BICDL1: variants seen among roughly 807,000 people sequenced by gnomAD.
BICDL1 encodes the protein BICD family-like cargo adapter 1.
In BICDL1, 20 loss-of-function variants were observed where a neutral mutation model predicts 76.8. That is an observed-to-expected ratio of 0.26 (90% CI 0.18 to 0.38). BICDL1 has a LOEUF of 0.38. BICDL1 is among the 10% of genes least tolerant of loss of function. BICDL1 has a pLI of 1.00. For missense variants in BICDL1, 700 were observed against 798.6 expected (o/e 0.88, Z 1.49); for synonymous variants, 383 against 337.1 (o/e 1.14, Z -1.49).
At chr12:120,048,075 C>T (rs1952782787) in intron 2 of BICDL1, among the ~76,000 whole-genome samples, 1 of 152,170 alleles carries the variant, frequency 6.6e-6, no homozygotes, top group Non-Finnish European at 1.5e-5. Flanking sequence ...TATTATATCA[C>T]TCTCCCCAGC....
At chr12:120,018,172 A>G (rs567742736) in intron 2 of BICDL1, among the ~76,000 whole-genome samples, 1 of 152,298 alleles carries the variant, frequency 6.6e-6, no homozygotes, top group South Asian at 2.1e-4. Flanking sequence ...CCACCCTCAG[A>G]GATTTGACTT....
intron 2 of BICDL1, among the ~76,000 whole-genome samples, chr12:120,060,821 A>G (rs1953088429): frequency 6.6e-6 from 1 of 152,162 alleles, no homozygotes; most frequent in African/African-American, 2.4e-5. Flanking sequence ...CTAGCCTACC[A>G]CTTCAACATT....
intron 2 of BICDL1, among the ~76,000 whole-genome samples, chr12:120,027,519 C>G (rs973872057): frequency 6.6e-6 from 1 of 152,040 alleles, no homozygotes; most frequent in Non-Finnish European, 1.5e-5. Context: ...GTGTTGTTAT[C>G]CCGGTTTTAC....
chr12:120,074,743 A>G (rs551730533), intron 7 of BICDL1, among the ~76,000 whole-genome samples, 157 bp downstream of exon 7: 1 of 152,342 alleles, frequency 6.6e-6, no homozygotes, highest in Non-Finnish European at 1.5e-5. Context: ...GGTAAACTGA[A>G]TGTCTTCAAG....
intron 2 of BICDL1, among the ~76,000 whole-genome samples, chr12:120,059,934 A>T (rs937355305): frequency 2.0e-5 from 3 of 152,002 alleles, no homozygotes; most frequent in African/African-American, 7.3e-5. Flanking sequence ...GCTGGTCTCA[A>T]GCTCCTGGGC....
intron 6 of BICDL1, 142 bp downstream of exon 6, chr12:120,072,871 GT>G: frequency 1.3e-6 from 1 of 766,896 alleles, no homozygotes; most frequent in Non-Finnish European, 2.1e-6. Context: ...CTTATTGGTT[GT>G]TTTGGATTTT....
At chr12:120,084,039 A>G (rs949873616) in intron 8 of BICDL1, among the ~76,000 whole-genome samples, 12 of 151,228 alleles carry the variant, frequency 7.9e-5, no homozygotes, top group Non-Finnish European at 1.2e-4. Context: ...AGTCTCACTC[A>G]GTCACCCAGG....
intron 2 of BICDL1, among the ~76,000 whole-genome samples, chr12:120,059,130 C>T (rs1953048303): frequency 6.6e-6 from 1 of 151,500 alleles, no homozygotes; most frequent in Non-Finnish European, 1.5e-5. Context: ...TAGTCTTGCT[C>T]TGTTGCCCAG....
At chr12:120,018,435 C>T (rs1332922227) in intron 2 of BICDL1, among the ~76,000 whole-genome samples, 1 of 152,124 alleles carries the variant, frequency 6.6e-6, no homozygotes, top group Non-Finnish European at 1.5e-5. Flanking sequence ...TTCAGGTAAG[C>T]CTTTCTTCCA....
intron 8 of BICDL1, among the ~76,000 whole-genome samples, chr12:120,085,050 G>T (rs1230265723): frequency 6.6e-6 from 1 of 152,062 alleles, no homozygotes; most frequent in Non-Finnish European, 1.5e-5. Flanking sequence ...GTGTCTGTCA[G>T]TTTCTAGTTC....
At chr12:120,085,572 G>A (rs1239808760) in intron 8 of BICDL1, among the ~76,000 whole-genome samples, 1 of 152,198 alleles carries the variant, frequency 6.6e-6, no homozygotes, top group Non-Finnish European at 1.5e-5. Flanking sequence ...CACTTTGGGA[G>A]GCCAAAATGG....
intron 3 of BICDL1, among the ~76,000 whole-genome samples, chr12:120,063,210 A>G (rs1224101510): frequency 6.6e-6 from 1 of 152,214 alleles, no homozygotes; most frequent in Non-Finnish European, 1.5e-5. Flanking sequence ...TAAAGGTCAG[A>G]GGGTATTTAA....
intron 2 of BICDL1, among the ~76,000 whole-genome samples, chr12:120,035,652 G>T (rs1056067584): frequency 6.6e-6 from 1 of 152,082 alleles, no homozygotes; most frequent in African/African-American, 2.4e-5. Context: ...CTTTTTTAAA[G>T]AATTTTTTTT....
At position 120,091,620 on chromosome 12, in the gene BICDL1, A is replaced by G. The variant is rs953798292; in HGVS notation, c.1705-1380A>G. 41 of 985,026 alleles carry G rather than the reference A, an allele frequency of 4.2e-5. No individual in the cohort carries two copies. The African/African-American group carries it at 6.8e-4, about 16-fold the overall frequency. 61.0% of individuals were successfully genotyped at this position (985,026 alleles called of 1,614,324 possible). A position where few individuals can be genotyped will look rare whatever the true frequency, so the allele number is the denominator to read the frequency against. On this transcript the variant is annotated intron_variant, in intron 9 of 9. Transcript: ENST00000548673. ...AGAAGACAAGGGCAAGGAGAAGACC[A>G]GGAATGAGCTGAGTCTGAAAGACAG...
chr12:119,990,006 C>T lies in BICDL1; in HGVS notation c.138C>T (p.Pro46=). 1 of 1,487,942 alleles carries T rather than the reference C, an allele frequency of 6.7e-7. No homozygotes were observed. Among genetic ancestry groups the T allele is most frequent in the Non-Finnish European group, 8.8e-7 (1 of 1,131,270 alleles). 92.2% of individuals were successfully genotyped at this position (1,487,942 alleles called of 1,614,324 possible). A position where few individuals can be genotyped will look rare whatever the true frequency, so the allele number is the denominator to read the frequency against. The change falls in exon 1 of 10, where the codon CCC becomes CCT. Residue 46 remains proline, a synonymous_variant. Transcript: ENST00000548673. The part of the protein sequence containing the change: ...SPAAAAALIF[P]GGSGELELAL... Reference sequence around the variant, plus strand: ...CCGCCGCCGCCGCCCTCATCTTCCCCGGGGGCTCCGGGGAGCTAGAACTGG... The same window carrying T: ...CCGCCGCCGCCGCCCTCATCTTCCCTGGGGGCTCCGGGGAGCTAGAACTGG...
chr12:120,036,992 T>C (rs1952542205), intron 2 of BICDL1, among the ~76,000 whole-genome samples: 1 of 152,252 alleles, frequency 6.6e-6, no homozygotes, highest in African/African-American at 2.4e-5. Context: ...GAGGATTCAC[T>C]TTCCAGAACT....
intron 2 of BICDL1, among the ~76,000 whole-genome samples, chr12:120,014,643 G>C (rs953678217): frequency 6.6e-6 from 1 of 150,940 alleles, no homozygotes; most frequent in African/African-American, 2.4e-5. Flanking sequence ...AGTGAGCCGA[G>C]ATCACGGCAC....
At chr12:120,033,277 G>A (rs1320526018) in intron 2 of BICDL1, among the ~76,000 whole-genome samples, 2 of 149,778 alleles carry the variant, frequency 1.3e-5, no homozygotes, top group Non-Finnish European at 3.0e-5. Flanking sequence ...GGTCTTTTAA[G>A]TGTTATTTAT....
intron 4 of BICDL1, among the ~76,000 whole-genome samples, chr12:120,068,383 A>G (rs953118907): frequency 6.6e-6 from 1 of 152,238 alleles, no homozygotes; most frequent in Non-Finnish European, 1.5e-5. Flanking sequence ...ACAGATAGGA[A>G]GAGTAGGAAG....
Sources: gnomAD v4.1 joint callset for allele counts (sites outside exome capture counted in the v4.1 genomes callset) on GRCh38, gnomAD v4.1.1 for gene constraint, MANE v1.5 for transcripts, NCBI Gene and HGNC (gene_info 2026-07-23, HGNC 2026-07-21) for gene names.